GALNT2: variants seen among roughly 807,000 people sequenced by gnomAD.
The protein encoded by GALNT2 is UDP-GalNAc:polypeptide N-acetylgalactosaminyltransferase 2.
In GALNT2, 31 loss-of-function variants were observed where a neutral mutation model predicts 81.4. The observed-to-expected ratio is 0.38, with a 90% CI of 0.29 to 0.51. The LOEUF (loss-of-function observed/expected upper bound fraction) is 0.51. Ranked by LOEUF, GALNT2 falls within the 20% of genes least tolerant of loss-of-function variation. The pLI is 0.87. For synonymous variants in GALNT2, 303 were observed against 287.4 expected (o/e 1.05, Z -0.55); for missense variants, 629 against 765.7 (o/e 0.82, Z 2.11).
intron 13 of GALNT2, chr1:230,263,302 G>C: frequency 2.7e-6 from 1 of 368,786 alleles, no homozygotes; most frequent in Non-Finnish European, 5.1e-6. Context: ...TGGGCTGGGT[G>C]ACCTGAAGGA....
chr1:230,115,678 A>G (rs1036499219), intron 1 of GALNT2, among the ~76,000 whole-genome samples: 7 of 152,048 alleles, frequency 4.6e-5, no homozygotes, highest in African/African-American at 7.2e-5. Context: ...CAACAATGAA[A>G]TTTGCCACAT....
chr1:230,075,441 C>T (rs1294079830), intron 1 of GALNT2, among the ~76,000 whole-genome samples: 8 of 152,268 alleles, frequency 5.3e-5, no homozygotes, highest in Non-Finnish European at 1.0e-4. Flanking sequence ...TCATTTTTAC[C>T]TTTTGCTCCA....
At chr1:230,217,547 C>G (rs1664429126) in intron 3 of GALNT2, among the ~76,000 whole-genome samples, 1 of 152,212 alleles carries the variant, frequency 6.6e-6, no homozygotes, top group South Asian at 2.1e-4. Flanking sequence ...TTGTCTCTGT[C>G]ATAGTCCGTT....
chr1:230,096,744 T>C (rs1237776577), intron 1 of GALNT2, among the ~76,000 whole-genome samples: 5 of 152,230 alleles, frequency 3.3e-5, no homozygotes, highest in Admixed American at 2.0e-4. Context: ...AGAATTAGTT[T>C]GGTCTGAATT....
At chr1:230,209,007 T>C (rs1664151665) in intron 3 of GALNT2, among the ~76,000 whole-genome samples, 1 of 151,884 alleles carries the variant, frequency 6.6e-6, no homozygotes, top group South Asian at 2.1e-4. Flanking sequence ...GGGCTTCCTG[T>C]CAAGCCCTCA....
At chr1:230,176,517 C>G (rs1284425125) in intron 1 of GALNT2, among the ~76,000 whole-genome samples, 1 of 152,144 alleles carries the variant, frequency 6.6e-6, no homozygotes, top group East Asian at 1.9e-4. Context: ...AGCCACAATG[C>G]TACAATCAAG....
intron 1 of GALNT2, among the ~76,000 whole-genome samples, chr1:230,122,927 G>A (rs141655601): frequency 1.3e-5 from 2 of 152,262 alleles, no homozygotes; most frequent in Non-Finnish European, 2.9e-5. Context: ...GAAGTGTCCC[G>A]CATCCCCTTG....
intron 1 of GALNT2, among the ~76,000 whole-genome samples, chr1:230,102,511 C>T (rs1468146728): frequency 6.6e-6 from 1 of 152,152 alleles, no homozygotes; most frequent in Non-Finnish European, 1.5e-5. Flanking sequence ...GAAGAGCTTG[C>T]AGCAGATGGG....
intron 1 of GALNT2, among the ~76,000 whole-genome samples, chr1:230,060,130 C>T (rs1050559654): frequency 5.9e-5 from 9 of 152,166 alleles, no homozygotes; most frequent in Non-Finnish European, 1.2e-4. Flanking sequence ...TTTCCTTACT[C>T]TTTCTTTGTC....
chr1:230,190,267 G>A (rs988870416), intron 2 of GALNT2, among the ~76,000 whole-genome samples: 3 of 152,202 alleles, frequency 2.0e-5, no homozygotes, highest in Non-Finnish European at 4.4e-5. Flanking sequence ...CTCCCACTGC[G>A]TGTTCCTCCA....
intron 1 of GALNT2, among the ~76,000 whole-genome samples, chr1:230,136,798 GAAGCTC>G (rs1475950967): frequency 6.6e-6 from 1 of 152,210 alleles, no homozygotes; most frequent in Non-Finnish European, 1.5e-5. Flanking sequence ...CATTGTACGG[GAAGCTC>G]AATGGCATTT....
At chr1:230,172,769 T>G (rs1662835772) in intron 1 of GALNT2, among the ~76,000 whole-genome samples, 4 of 152,246 alleles carry the variant, frequency 2.6e-5, no homozygotes, top group Admixed American at 2.0e-4. Flanking sequence ...AATATTCTAT[T>G]AACAACGAAA....
intron 1 of GALNT2, among the ~76,000 whole-genome samples, chr1:230,173,809 A>C (rs949728358): frequency 1.3e-5 from 2 of 152,146 alleles, no homozygotes; most frequent in African/African-American, 4.8e-5. Context: ...AAGTCTTATA[A>C]TGTATGTAAA....
At chr1:230,093,947 C>T (rs1312701194) in intron 1 of GALNT2, among the ~76,000 whole-genome samples, 12 of 152,176 alleles carry the variant, frequency 7.9e-5, no homozygotes, top group Non-Finnish European at 1.8e-4. Context: ...TACTTAATCT[C>T]TCTAAGCCTT....
At chr1:230,071,859 C>T (rs552758428) in intron 1 of GALNT2, among the ~76,000 whole-genome samples, 185 of 152,302 alleles carry the variant, frequency 1.2e-3, no homozygotes, top group African/African-American at 4.3e-3. Context: ...CTGTGGCTGC[C>T]TCTGGGTCAG....
chr1:230,249,377 T>C (rs1272758958), intron 9 of GALNT2, 106 bp downstream of exon 9: 8 of 881,824 alleles, frequency 9.1e-6, no homozygotes, highest in Non-Finnish European at 1.1e-5. Flanking sequence ...CTGTTCACCT[T>C]CTGCCCTCCG....
chr1:230,226,876 G>T (rs1664731260), intron 3 of GALNT2, among the ~76,000 whole-genome samples: 1 of 152,168 alleles, frequency 6.6e-6, no homozygotes, highest in African/African-American at 2.4e-5. Context: ...GGAAAAAACT[G>T]CAGGGTGTAA....
In GALNT2 at chr1:230,243,963, C is replaced by T. The variant is rs780765078; in HGVS notation, c.729+536C>T. On this transcript the variant is annotated intron_variant, in intron 7 of 15. Coordinates refer to ENST00000366672, the MANE Select transcript of GALNT2 (RefSeq NM_004481.5). This position sits in a 1 kb window ranked among gnomAD's most constrained non-coding sequence, Gnocchi z 4.2. ...CCGGTGGGGTTGTCAGAGGGTGATC[C>T]GCGGCTCCACTTCTGCACCTTCTGC... 4.6e-5 allele frequency among the ~76,000 whole-genome samples: 7 copies of T among 151,898 alleles called. No homozygotes were observed. Among genetic ancestry groups the T allele is most frequent in the East Asian group, 3.9e-4 (2 of 5,128 alleles).
At chr1:230,217,324 T>C (rs112642472) in intron 3 of GALNT2, among the ~76,000 whole-genome samples, 2,543 of 152,182 alleles carry the variant, frequency 0.017, 68 homozygotes, top group African/African-American at 0.058. Flanking sequence ...CGAGGGAGTG[T>C]GCGTTTGAAT....
Sources: allele counts gnomAD v4.1 joint callset (sites outside exome capture counted in the v4.1 genomes callset), GRCh38; gene constraint gnomAD v4.1.1; non-coding constraint Gnocchi (gnomAD v3.1); transcripts MANE v1.5; gene names NCBI Gene and HGNC (gene_info 2026-07-23, HGNC 2026-07-21).